The following TMEM72 variants were observed in gnomAD, a reference collection of about 807,000 sequenced individuals.
The protein encoded by TMEM72 is kidney-specific secretory protein of 37 kDa.
A neutral mutation model predicts 16.3 loss-of-function variants in TMEM72; 9 were observed. That is an observed-to-expected ratio of 0.55 (90% CI 0.33 to 0.96). TMEM72 has a LOEUF of 0.96. TMEM72 is among the 40% of genes least tolerant of loss of function. The pLI is 0.03. For missense variants in TMEM72, 324 were observed against 337.8 expected (o/e 0.96, Z 0.32); for synonymous variants, 160 against 146.5 (o/e 1.09, Z -0.66).
chr10:44,924,540 T>C (rs1589043480), intron 1 of TMEM72, among the ~76,000 whole-genome samples: 1 of 151,992 alleles, frequency 6.6e-6, no homozygotes, highest in Admixed American at 6.5e-5. Context: ...CCAAGGAGGG[T>C]GGGCCTGCCG....
At chr10:44,929,704 C>T (rs1487150222) in intron 2 of TMEM72, among the ~76,000 whole-genome samples, 3 of 152,266 alleles carry the variant, frequency 2.0e-5, no homozygotes, top group Non-Finnish European at 2.9e-5. Flanking sequence ...ATATTCTGGC[C>T]TCTGCCTCAC....
At chr10:44,932,181 G>A in intron 3 of TMEM72, 112 bp downstream of exon 3, 1 of 1,276,844 alleles carries the variant, frequency 7.8e-7, no homozygotes, top group Non-Finnish European at 1.1e-6. Flanking sequence ...AAGCCACTGT[G>A]GACAGGAGCC....
chr10:44,918,193 G>T (rs7082940), intron 1 of TMEM72, among the ~76,000 whole-genome samples: 84,331 of 151,860 alleles, frequency 0.56, 24,015 homozygotes, highest in Middle Eastern at 0.63. Flanking sequence ...ATTACCTCCT[G>T]CTGGTCCCTC....
chr10:44,917,390 G>A (rs887020261), intron 1 of TMEM72, among the ~76,000 whole-genome samples: 1 of 152,170 alleles, frequency 6.6e-6, no homozygotes, highest in African/African-American at 2.4e-5. Context: ...AAGGAGCAAA[G>A]CAGTATGTGA....
At chr10:44,932,476 C>T (rs376608480) in intron 3 of TMEM72, among the ~76,000 whole-genome samples, 15 of 152,244 alleles carry the variant, frequency 9.9e-5, no homozygotes, top group African/African-American at 3.1e-4. Context: ...TCCTAGGGCC[C>T]GGGGGCAAGT....
chr10:44,921,823 A>G (rs1321209778), intron 1 of TMEM72, among the ~76,000 whole-genome samples: 1 of 152,236 alleles, frequency 6.6e-6, no homozygotes, highest in Non-Finnish European at 1.5e-5. Context: ...GGCCAGAGCT[A>G]CCACTCTCAG....
At chr10:44,925,994 T>C (rs1208921135) in intron 1 of TMEM72, among the ~76,000 whole-genome samples, 1 of 150,980 alleles carries the variant, frequency 6.6e-6, no homozygotes, top group East Asian at 1.9e-4. Flanking sequence ...CACACTCACA[T>C]ATTCACACAT....
intron 1 of TMEM72, among the ~76,000 whole-genome samples, chr10:44,912,683 G>A (rs1839954990): frequency 6.6e-6 from 1 of 152,200 alleles, no homozygotes; most frequent in Admixed American, 6.5e-5. Flanking sequence ...TGCAGGAACT[G>A]AGCATGGCTA....
chr10:44,914,536 G>A (rs1189963382), intron 1 of TMEM72, among the ~76,000 whole-genome samples: 5 of 152,214 alleles, frequency 3.3e-5, no homozygotes, highest in African/African-American at 1.2e-4. Flanking sequence ...ACACAGCTGG[G>A]AAATGGCACA....
intron 1 of TMEM72, among the ~76,000 whole-genome samples, chr10:44,914,679 G>GGAGGCTCAGCCCTGTGACA (rs2132709542): frequency 6.6e-6 from 1 of 152,326 alleles, no homozygotes; most frequent in South Asian, 2.1e-4. Context: ...AGGCCCCAGA[G>GGAGGCTCAGCCCTGTGACA]GAGGCTCAGC....
rs1488185826 is a variant in TMEM72 at position 44,936,223 on chromosome 10, G to A, written c.*1089G>A. 6.6e-6 allele frequency: 1 copy of A among 152,188 alleles called. No homozygotes were observed. Among genetic ancestry groups the A allele is most frequent in the Non-Finnish European group, 1.5e-5 (1 of 68,044 alleles). The allele number at this position is 152,188 out of a possible 1,614,324, so 9.4% of individuals were successfully genotyped here. A position where few individuals can be genotyped will look rare whatever the true frequency, so the allele number is the denominator to read the frequency against. Reference sequence around the variant, plus strand: ...TTCTAAAAATTGTTGTCGGGTCCATGAGGCTGTTGCCAGGAAGAGCACACA... The same window carrying A: ...TTCTAAAAATTGTTGTCGGGTCCATAAGGCTGTTGCCAGGAAGAGCACACA... On this transcript the variant is annotated 3_prime_UTR_variant, in exon 5 of 5. Coordinates refer to ENST00000389583, the MANE Select transcript of TMEM72 (RefSeq NM_001123376.3).
chr10:44,924,373 A>T (rs1271187680), intron 1 of TMEM72, among the ~76,000 whole-genome samples: 1 of 152,182 alleles, frequency 6.6e-6, no homozygotes, highest in African/African-American at 2.4e-5. Context: ...TCCCTCGTCC[A>T]GCTTGGGTTA....
At chr10:44,932,967 A>G (rs981426643) in intron 3 of TMEM72, among the ~76,000 whole-genome samples, 1 of 152,204 alleles carries the variant, frequency 6.6e-6, no homozygotes, top group Admixed American at 6.5e-5. Context: ...CCTCAAAGCT[A>G]GAGGGGCAGG....
rs932603481 is a variant in TMEM72, at chr10:44,933,883, C to A, written c.349+107C>A. Reference sequence around the variant, plus strand: ...TCCAGTGGTGGCTCCAGGGACCTTACCTGCCCCACTGCCCTCTCTGACCTA... The same window carrying A: ...TCCAGTGGTGGCTCCAGGGACCTTAACTGCCCCACTGCCCTCTCTGACCTA... On this transcript the variant is annotated intron_variant, in intron 4 of 4. Coordinates refer to ENST00000389583, the MANE Select transcript of TMEM72 (RefSeq NM_001123376.3). 43 of 1,377,618 alleles carry A rather than the reference C, an allele frequency of 3.1e-5. No homozygotes were observed. In the African/African-American group the frequency reaches 3.2e-4, roughly 10 times the overall value. The allele number at this position is 1,377,618 out of a possible 1,614,324, so 85.3% of individuals were successfully genotyped here.
At position 44,935,227 on chromosome 10, in the gene TMEM72, C is replaced by T. The variant is rs1840381341; in HGVS notation, c.*93C>T. The T allele has an allele frequency of 3.9e-6, 5 of 1,290,550 alleles. No homozygotes were observed. In the East Asian group the frequency reaches 1.2e-4, roughly 32 times the overall value. The allele number at this position is 1,290,550 out of a possible 1,614,324, so 79.9% of individuals were successfully genotyped here. On this transcript the variant is annotated 3_prime_UTR_variant, in exon 5 of 5. Coordinates refer to ENST00000389583, the MANE Select transcript of TMEM72 (RefSeq NM_001123376.3). ...TCAGGGTCTTCTCTGGTCAGCTTTT[C>T]AAGGGGTAACCAGACACCCCCACAC...
At chr10:44,912,037 A>T (rs1247963260) in intron 1 of TMEM72, among the ~76,000 whole-genome samples, 1 of 152,232 alleles carries the variant, frequency 6.6e-6, no homozygotes. Context: ...AGTCATGAGC[A>T]GCTCTGCCCT....
chr10:44,921,620 G>T (rs752025092), intron 1 of TMEM72, among the ~76,000 whole-genome samples: 50 of 152,298 alleles, frequency 3.3e-4, no homozygotes, highest in Non-Finnish European at 6.5e-4. Context: ...TAATGCCCTG[G>T]GGGTATCTGT....
In TMEM72 at chr10:44,933,679, C is replaced by T; in HGVS notation, c.252C>T (p.Ala84=). 6.2e-7 allele frequency: 1 copy of T among 1,614,114 alleles called. No homozygotes were observed. The highest frequency in any genetic ancestry group is 1.1e-5 in the South Asian group (1 of 91,080). ...TGGCAGACAGAGTAAGGGAGAAAGC[C>T]CACTGGCTGGGCTGCTTCCAGAAGT... is the stretch of plus-strand genomic sequence containing the variant. The part of the protein sequence containing the change: ...GSLADRVREK[A]HWLGCFQKFL... Residue 84 remains alanine, a synonymous_variant, in exon 4 of 5, where the codon GCC becomes GCT. Coordinates refer to ENST00000389583, the MANE Select transcript of TMEM72 (RefSeq NM_001123376.3).
intron 2 of TMEM72, among the ~76,000 whole-genome samples, chr10:44,929,127 C>T (rs1840249712): frequency 6.6e-6 from 1 of 152,154 alleles, no homozygotes; most frequent in Non-Finnish European, 1.5e-5. Context: ...GCAGCAGGAT[C>T]CAGATTCAAA....
Sources: gnomAD v4.1 joint callset for allele counts (sites outside exome capture counted in the v4.1 genomes callset) on GRCh38, gnomAD v4.1.1 for gene constraint, MANE v1.5 for transcripts, NCBI Gene and HGNC (gene_info 2026-07-23, HGNC 2026-07-21) for gene names.